TIMM21: variants seen among roughly 807,000 people sequenced by gnomAD.
TIMM21 encodes the protein translocase of inner mitochondrial membrane 21, also known as mitochondrial import inner membrane translocase subunit Tim21.
In TIMM21, 30 loss-of-function variants were observed where a neutral mutation model predicts 27.7. The observed-to-expected ratio is 1.08, with a 90% CI of 0.81 to 1.47. TIMM21 has a LOEUF of 1.47. Ranked by LOEUF, TIMM21 falls within the 40% of genes most tolerant of loss-of-function variation. The pLI, the probability that TIMM21 is intolerant of heterozygous loss-of-function variation, is 0.00. For missense variants in TIMM21, 292 were observed against 302.9 expected, an observed-to-expected ratio of 0.96 and a Z score of 0.27; for synonymous variants, 121 against 114.4, an observed-to-expected ratio of 1.06 and a Z score of -0.37.
rs1307601438 is a variant in TIMM21 at position 74,158,661 on chromosome 18, C to G, written c.*181C>G. On this transcript the variant is annotated 3_prime_UTR_variant, in exon 6 of 6. Coordinates refer to ENST00000169551, the MANE Select transcript of TIMM21 (RefSeq NM_014177.3). ...TTTCTTACGGAAAAATTATGAAATA[C>G]AGCATATTTTATGTTCTCCCATTGA... The G allele has an allele frequency of 3.8e-6, 2 of 532,740 alleles. No individual in the cohort carries two copies. Among genetic ancestry groups the G allele is most frequent in the East Asian group, 6.8e-5 (2 of 29,274 alleles). 33.0% of individuals were successfully genotyped at this position (532,740 alleles called of 1,614,324 possible).
In TIMM21 at chr18:74,158,066, G is replaced by A. The variant is rs767355513; in HGVS notation, c.515G>A (p.Arg172Gln). The change falls in exon 4 of 6, where the codon CGG (arginine) becomes CAG (glutamine). Residue 172 changes from arginine (R) to glutamine (Q), a missense_variant. Coordinates refer to ENST00000169551, the MANE Select transcript of TIMM21 (RefSeq NM_014177.3). ...AAAGGCTATGGGGAGGTGACAAGGC[G>A]GGGTCGCCGGCAGCATGTCAGGTAC... ...SVKGYGEVTR[R>Q]GRRQHVRFTE... 32 of 1,614,100 alleles carry A rather than the reference G, an allele frequency of 2.0e-5. No individual in the cohort carries two copies. Among genetic ancestry groups the A allele is most frequent in the South Asian group, 3.3e-5 (3 of 91,090 alleles).
rs1213623595 is a variant in TIMM21, at chr18:74,151,772, T to C, written c.301+2663T>C. Among the ~76,000 whole-genome samples, 5 of 152,310 alleles carry C rather than the reference T, an allele frequency of 3.3e-5. No individual in the cohort carries two copies. In the East Asian group the frequency reaches 9.7e-4, roughly 29 times the overall value. On this transcript the variant is annotated intron_variant, in intron 1 of 5. Transcript: ENST00000169551. ...TTACTTAATGTGGACCATCACTGTC[T>C]CGAAGTTTCCAGGAGCAGACCTAGC... is the stretch of plus-strand genomic sequence containing the variant.
At chr18:74,154,478 G>A (rs1404861751) in intron 1 of TIMM21, among the ~76,000 whole-genome samples, 1 of 151,974 alleles carries the variant, frequency 6.6e-6, no homozygotes, top group Non-Finnish European at 1.5e-5. Flanking sequence ...AGCCAGGATG[G>A]TCTCGATCTC....
rs752350649 is a variant in TIMM21 at position 74,158,083 on chromosome 18, G to A, written c.532G>A (p.Val178Ile). The A allele has an allele frequency of 3.1e-6, 5 of 1,614,066 alleles. No individual in the cohort carries two copies. The South Asian group carries it at 3.3e-5, about 11-fold the overall frequency. ...EVTRRGRRQH[V>I]RFTEYVKDGL... ...GACAAGGCGGGGTCGCCGGCAGCATGTCAGGTACTGTGGCTTGAATTCAGA... is the reference window on the plus strand; with the variant it reads ...GACAAGGCGGGGTCGCCGGCAGCATATCAGGTACTGTGGCTTGAATTCAGA... The change falls in exon 4 of 6, where the codon GTC becomes ATC. Residue 178 changes from valine (V) to isoleucine (I), a missense_variant. Transcript: ENST00000169551.
chr18:74,151,943 C>CCCCA (rs1555682306), intron 1 of TIMM21, among the ~76,000 whole-genome samples: 1 of 145,886 alleles, frequency 6.9e-6, no homozygotes, highest in African/African-American at 2.7e-5. Context: ...ATGTTCCCCC[C>CCCCA]CCCCCCGGGG....
intron 1 of TIMM21, among the ~76,000 whole-genome samples, chr18:74,151,937 T>TCCCCCCCCCC (rs535525190): frequency 1.1e-5 from 1 of 94,292 alleles, no homozygotes; most frequent in African/African-American, 5.9e-5. Context: ...GTGTCTATGT[T>TCCCCCCCCCC]CCCCCCCCCC....
Position 74,158,208 on chromosome 18 carries a change from T to C in TIMM21, c.574T>C (p.Cys192Arg). 6.2e-7 allele frequency: 1 copy of C among 1,614,114 alleles called. No homozygotes were observed. The highest frequency in any genetic ancestry group is 8.5e-7 in the Non-Finnish European group (1 of 1,180,006). The change falls in exon 5 of 6, where the codon TGT becomes CGT. Residue 192 changes from cysteine to arginine, a missense_variant. Transcript: ENST00000169551. ...EYVKDGLKHTCVKFYIEGSEP... is the reference protein window; with the variant it reads ...EYVKDGLKHTRVKFYIEGSEP... ...TGTAAAAGATGGGCTGAAACACACGTGTGTGAAATTCTACATTGAGGGCTC... is the reference window on the plus strand; with the variant it reads ...TGTAAAAGATGGGCTGAAACACACGCGTGTGAAATTCTACATTGAGGGCTC...
chr18:74,155,717 C>T (rs1283875568), intron 3 of TIMM21, among the ~76,000 whole-genome samples: 1 of 152,180 alleles, frequency 6.6e-6, no homozygotes, highest in Non-Finnish European at 1.5e-5. Context: ...GATGCATGAC[C>T]TCATGGTCAT....
At chr18:74,149,302 G>A (rs1337882826) in intron 1 of TIMM21, among the ~76,000 whole-genome samples, 193 bp downstream of exon 1, 3 of 152,204 alleles carry the variant, frequency 2.0e-5, no homozygotes, top group Non-Finnish European at 4.4e-5. Flanking sequence ...AGATGTGAAA[G>A]TTGATCTTGA....
chr18:74,159,319 A>G lies in TIMM21; in HGVS notation c.*839A>G, dbSNP rs1012615960. ...AAAAGGAAATTCTATTTTATTTGAA[A>G]TATTTGCTGGGGATTTGGAAAAAAG... On this transcript the variant is annotated 3_prime_UTR_variant, in exon 6 of 6. Coordinates refer to ENST00000169551, the MANE Select transcript of TIMM21 (RefSeq NM_014177.3). 6.6e-5 allele frequency: 10 copies of G among 151,824 alleles called. No homozygotes were observed. The highest frequency in any genetic ancestry group is 1.3e-4 in the Non-Finnish European group (9 of 68,000). The allele number at this position is 151,824 out of a possible 1,614,324, so 9.4% of individuals were successfully genotyped here. A position where few individuals can be genotyped will look rare whatever the true frequency, so the allele number is the denominator to read the frequency against.
rs749804474 is a variant in TIMM21 at position 74,152,453 on chromosome 18, G to A, written c.302-2692G>A. On this transcript the variant is annotated intron_variant, in intron 1 of 5. Coordinates refer to ENST00000169551, the MANE Select transcript of TIMM21 (RefSeq NM_014177.3). The surrounding 1 kb of genome is among the most constrained non-coding windows in gnomAD (Gnocchi z 4.1). ...CTTCATCTCACCATCCCTCTCCATG[G>A]CCCCAGCCACAGCCGTCTGATATAA... Among the ~76,000 whole-genome samples the A allele has an allele frequency of 6.6e-6, 1 of 152,080 alleles. No individual in the cohort carries two copies. Among genetic ancestry groups the A allele is most frequent in the Non-Finnish European group, 1.5e-5 (1 of 68,008 alleles).
In TIMM21 at chr18:74,158,404, G is replaced by A. The variant is rs143295538; in HGVS notation, c.671G>A (p.Arg224Gln). Residue 224 changes from arginine to glutamine, a missense_variant, in exon 6 of 6, where the codon CGA becomes CAA. Coordinates refer to ENST00000169551, the MANE Select transcript of TIMM21 (RefSeq NM_014177.3). ...ENPGSGEYDF[R>Q]YIFVEIESYP... Reference sequence around the variant, plus strand: ...CCAGGAAGTGGTGAATATGATTTTCGATATATATTTGTAGAAATTGAATCT... The same window carrying A: ...CCAGGAAGTGGTGAATATGATTTTCAATATATATTTGTAGAAATTGAATCT... 2.5e-4 allele frequency: 395 copies of A among 1,605,670 alleles called. 1 individual carries two copies. Among genetic ancestry groups the A allele is most frequent in the Non-Finnish European group, 3.2e-4 (377 of 1,173,932 alleles).
In TIMM21 at chr18:74,152,723, G is replaced by A. The variant is rs951770569; in HGVS notation, c.302-2422G>A. 6.6e-5 allele frequency among the ~76,000 whole-genome samples: 10 copies of A among 152,216 alleles called. No homozygotes were observed. The highest frequency in any genetic ancestry group is 2.4e-4 in the African/African-American group (10 of 41,452). ...CTGCTTACCACTCCTGGTAGCACCC[G>A]TTGTAGGTTGGCTTCCCAGGGAAGT... On this transcript the variant is annotated intron_variant, in intron 1 of 5. Coordinates refer to ENST00000169551, the MANE Select transcript of TIMM21 (RefSeq NM_014177.3). This position sits in a 1 kb window ranked among gnomAD's most constrained non-coding sequence, Gnocchi z 4.1.
intron 1 of TIMM21, among the ~76,000 whole-genome samples, chr18:74,151,983 T>C (rs1599208247): frequency 1.3e-5 from 2 of 150,212 alleles, no homozygotes; most frequent in South Asian, 4.2e-4. Context: ...AGTATTGTTC[T>C]TCTCACCCTT....
intron 1 of TIMM21, among the ~76,000 whole-genome samples, chr18:74,153,772 CAAT>C (rs1979872967): frequency 6.6e-6 from 1 of 152,178 alleles, no homozygotes; most frequent in Non-Finnish European, 1.5e-5. Flanking sequence ...TTCTTTTAAA[CAAT>C]GTTGTTTATA....
intron 1 of TIMM21, among the ~76,000 whole-genome samples, chr18:74,151,913 C>G (rs1488200574): frequency 1.4e-5 from 2 of 142,280 alleles, no homozygotes; most frequent in Admixed American, 1.5e-4. Context: ...ACACACCACC[C>G]TTAAGAAGCA....
intron 1 of TIMM21, among the ~76,000 whole-genome samples, chr18:74,150,776 C>G (rs1257793374): frequency 1.3e-5 from 2 of 152,170 alleles, no homozygotes; most frequent in African/African-American, 4.8e-5. Context: ...TAAAGGAAGA[C>G]TGGTAAATTA....
intron 1 of TIMM21, among the ~76,000 whole-genome samples, chr18:74,149,852 G>A (rs1435571321): frequency 1.3e-5 from 2 of 152,184 alleles, no homozygotes; most frequent in African/African-American, 2.4e-5. Context: ...TCTGGCTCAG[G>A]CAACAGTGCT....
At chr18:74,157,950 A>T (rs1979995517) in intron 3 of TIMM21, 64 bp from the exon 4 acceptor site, 4 of 1,562,348 alleles carry the variant, frequency 2.6e-6, no homozygotes, top group Non-Finnish European at 3.5e-6. Flanking sequence ...CTGGTTTGTT[A>T]AAAATTATTT....
Sources: allele counts gnomAD v4.1 joint callset (sites outside exome capture counted in the v4.1 genomes callset), GRCh38; gene constraint gnomAD v4.1.1; non-coding constraint Gnocchi (gnomAD v3.1); transcripts MANE v1.5; gene names NCBI Gene and HGNC (gene_info 2026-07-23, HGNC 2026-07-21).